ME3: variants seen among roughly 807,000 people sequenced by gnomAD.
The protein encoded by ME3 is NADP-dependent malic enzyme, mitochondrial.
In ME3, 48 loss-of-function variants were observed where a neutral mutation model predicts 68.9. The observed-to-expected ratio is 0.70, with a 90% CI of 0.55 to 0.89. ME3 has a LOEUF of 0.89. Ranked by LOEUF, ME3 falls within the 40% of genes least tolerant of loss-of-function variation. ME3 has a pLI of 0.00. For missense variants in ME3, 675 were observed against 797.4 expected (o/e 0.85, Z 1.85); for synonymous variants, 320 against 318.8 (o/e 1.00, Z -0.04).
At chr11:86,653,145 G>A (rs1300119143) in intron 2 of ME3, among the ~76,000 whole-genome samples, 1 of 152,070 alleles carries the variant, frequency 6.6e-6, no homozygotes, top group East Asian at 1.9e-4. Context: ...CAATAATAAT[G>A]GGAGACTTTA....
chr11:86,602,973 G>A (rs10898511), intron 2 of ME3, among the ~76,000 whole-genome samples: 14,790 of 152,192 alleles, frequency 0.097, 1,298 homozygotes, highest in East Asian at 0.39. Context: ...AGACTTAAAC[G>A]TTAGACCTAA....
intron 2 of ME3, among the ~76,000 whole-genome samples, chr11:86,636,288 A>C (rs1187077303): frequency 3.3e-5 from 5 of 150,908 alleles, no homozygotes; most frequent in East Asian, 3.9e-4. Context: ...TGTTTGTTTT[A>C]ATCTATATGA....
chr11:86,570,185 A>G (rs1168557173), intron 2 of ME3, among the ~76,000 whole-genome samples: 1 of 152,174 alleles, frequency 6.6e-6, no homozygotes, highest in East Asian at 1.9e-4. Context: ...ATTTTGTTCC[A>G]TACATCATTA....
intron 4 of ME3, among the ~76,000 whole-genome samples, chr11:86,533,504 A>G (rs79622124): frequency 0.014 from 2,125 of 152,298 alleles, 59 homozygotes; most frequent in African/African-American, 0.047. Flanking sequence ...CAGTGATCAA[A>G]AGTCAACCAT....
chr11:86,503,687 T>C (rs1952869860), intron 5 of ME3, among the ~76,000 whole-genome samples: 1 of 152,212 alleles, frequency 6.6e-6, no homozygotes, highest in Non-Finnish European at 1.5e-5. Context: ...ACTGGGCCAA[T>C]GCATGATAGG....
chr11:86,649,773 A>G (rs1654660417), intron 2 of ME3, among the ~76,000 whole-genome samples: 1 of 152,232 alleles, frequency 6.6e-6, no homozygotes, highest in South Asian at 2.1e-4. Flanking sequence ...GACTCCTTCA[A>G]GGAGAACTAC....
At chr11:86,552,046 G>A (rs955362234) in intron 4 of ME3, among the ~76,000 whole-genome samples, 9 of 152,228 alleles carry the variant, frequency 5.9e-5, no homozygotes, top group African/African-American at 1.9e-4. Flanking sequence ...TTTACAGTGT[G>A]TATTCTTGGG....
intron 6 of ME3, 137 bp downstream of exon 6, chr11:86,497,826 G>T (rs1373995722): frequency 3.0e-6 from 3 of 1,005,044 alleles, no homozygotes; most frequent in Non-Finnish European, 4.3e-6. Flanking sequence ...TGTGTAGGGG[G>T]AATGCCCTGG....
At chr11:86,617,045 G>GTTTTTTTTTTTTTTTTTTTTTTTTTT in intron 2 of ME3, among the ~76,000 whole-genome samples, 1 of 56,322 alleles carries the variant, frequency 1.8e-5, no homozygotes, top group Non-Finnish European at 3.1e-5. Flanking sequence ...CAAGATAGTA[G>GTTTTTTTTTTTTTTTTTTTTTTTTTT]TTTTTTTTTT....
Position 86,527,188 on chromosome 11 carries a change from A to T in ME3, c.468-18321T>A, listed in dbSNP as rs183980430. Among the ~76,000 whole-genome samples, 5 of 152,346 alleles carry T rather than the reference A, an allele frequency of 3.3e-5. No individual in the cohort carries two copies. In the East Asian group the frequency reaches 9.6e-4, roughly 29 times the overall value. ...TCCTTAAAGGACCTGATGGAGCTGAAAACCAAGGCACGAGAACTACGTGAC... is the reference window on the plus strand; with the variant it reads ...TCCTTAAAGGACCTGATGGAGCTGATAACCAAGGCACGAGAACTACGTGAC... On this transcript the variant is annotated intron_variant, in intron 4 of 14. Coordinates refer to ENST00000543262, the Ensembl canonical transcript of ME3.
At chr11:86,620,768 T>TG (rs1943296213) in intron 2 of ME3, among the ~76,000 whole-genome samples, 1 of 152,230 alleles carries the variant, frequency 6.6e-6, no homozygotes, top group African/African-American at 2.4e-5. Context: ...CAGCTACTTG[T>TG]GTGCCTTAAT....
At chr11:86,547,487 G>T (rs925499732) in intron 4 of ME3, among the ~76,000 whole-genome samples, 4 of 151,776 alleles carry the variant, frequency 2.6e-5, no homozygotes, top group Non-Finnish European at 5.9e-5. Flanking sequence ...TCGGGCGGGT[G>T]GGGGGTTGGG....
At position 86,465,116 on chromosome 11, in the gene ME3, G is replaced by C; in HGVS notation, c.894C>G (p.Tyr298Ter). The C allele has an allele frequency of 6.2e-7, 1 of 1,613,474 alleles. No homozygotes were observed. The highest frequency in any genetic ancestry group is 8.5e-7 in the Non-Finnish European group (1 of 1,179,448). ...CTTGGATGTCATCATTGAACATGCA[G>C]TACTTGTTACGGTATTTGTTGAGCA... Residue 298 changes from tyrosine (Y) to a stop codon, truncating the protein, a stop_gained, in exon 8 of 15, where the codon TAC becomes TAG. Coordinates refer to ENST00000543262, the Ensembl canonical transcript of ME3. LOFTEE classifies it high-confidence loss of function.
At chr11:86,604,731 T>C (rs1314311125) in intron 2 of ME3, among the ~76,000 whole-genome samples, 2 of 152,180 alleles carry the variant, frequency 1.3e-5, no homozygotes, top group Admixed American at 6.6e-5. Flanking sequence ...GTGAGTAATT[T>C]GGGAGGCAGC....
chr11:86,470,703 G>A (rs773749862), intron 7 of ME3, among the ~76,000 whole-genome samples: 89 of 152,328 alleles, frequency 5.8e-4, no homozygotes, highest in Admixed American at 1.2e-3. Flanking sequence ...GGCTCTGCAG[G>A]AAGAACTTTG....
At chr11:86,575,707 A>G (rs1394818380) in intron 2 of ME3, among the ~76,000 whole-genome samples, 1 of 152,230 alleles carries the variant, frequency 6.6e-6, no homozygotes, top group East Asian at 1.9e-4. Context: ...AGGCTTCAAC[A>G]TATTGCCTTG....
At chr11:86,615,569 A>G (rs1942900760) in intron 2 of ME3, among the ~76,000 whole-genome samples, 2 of 152,210 alleles carry the variant, frequency 1.3e-5, no homozygotes, top group African/African-American at 2.4e-5. Context: ...TCACAGAGCT[A>G]ATAAGAGTTC....
intron 7 of ME3, among the ~76,000 whole-genome samples, chr11:86,481,331 G>T (rs1202907324): frequency 6.6e-6 from 1 of 151,638 alleles, no homozygotes; most frequent in Non-Finnish European, 1.5e-5. Context: ...GAGATGACAG[G>T]TGTGAGCCAC....
At chr11:86,567,090 G>A (rs1177597530) in intron 2 of ME3, among the ~76,000 whole-genome samples, 1 of 151,964 alleles carries the variant, frequency 6.6e-6, no homozygotes, top group East Asian at 1.9e-4. Flanking sequence ...GGTGGTGCAT[G>A]CCTGTAATAC....
Sources: gnomAD v4.1 joint callset for allele counts (sites outside exome capture counted in the v4.1 genomes callset) on GRCh38, gnomAD v4.1.1 for gene constraint, MANE v1.5 for transcripts, NCBI Gene and HGNC (gene_info 2026-07-23, HGNC 2026-07-21) for gene names.